The following CSMD3 variants were observed in gnomAD, a reference collection of about 807,000 sequenced individuals.
CSMD3 encodes CUB and sushi domain-containing protein 3.
CSMD3 carries 177 observed loss-of-function variants against 435.2 expected under a neutral mutation model. The ratio of observed to expected loss-of-function variants is 0.41; its 90% CI spans 0.36 to 0.46. The LOEUF is 0.46. CSMD3 is among the 20% of genes least tolerant of loss of function. The probability of loss-of-function intolerance (pLI) is 0.34; values close to 1 mark genes in which losing one functional copy is unlikely to be tolerated. For missense variants in CSMD3, 4,265 were observed against 4,504.6 expected, an observed-to-expected ratio of 0.95 and a Z score of 1.52; for synonymous variants, 1,656 against 1,520.5, an observed-to-expected ratio of 1.09 and a Z score of -2.07.
chr8:112,513,196 T>C (rs182827084), intron 28 of CSMD3, among the ~76,000 whole-genome samples: 1 of 152,324 alleles, frequency 6.6e-6, no homozygotes, highest in Admixed American at 6.5e-5. Context: ...TACTTTTGCA[T>C]TCAGAACATG....
chr8:113,268,176 A>G (rs1390356172), intron 3 of CSMD3, among the ~76,000 whole-genome samples: 1 of 151,930 alleles, frequency 6.6e-6, no homozygotes, highest in Admixed American at 6.6e-5. Context: ...ATCAGAAACT[A>G]GAATGCATTT....
At chr8:113,203,478 T>G (rs868224253) in intron 3 of CSMD3, among the ~76,000 whole-genome samples, 1 of 151,760 alleles carries the variant, frequency 6.6e-6, no homozygotes, top group Non-Finnish European at 1.5e-5. Flanking sequence ...CACTTTGTTG[T>G]CTAGGCTGGT....
chr8:112,775,099 T>C (rs1347804839), intron 13 of CSMD3, among the ~76,000 whole-genome samples: 1 of 151,850 alleles, frequency 6.6e-6, no homozygotes, highest in Non-Finnish European at 1.5e-5. Flanking sequence ...ACCTCTCATC[T>C]GAAGACTGCC....
intron 3 of CSMD3, among the ~76,000 whole-genome samples, chr8:113,195,226 CT>C (rs769586403): frequency 2.7e-3 from 347 of 128,814 alleles, no homozygotes; most frequent in Middle Eastern, 0.014. Context: ...CTATTCCAAG[CT>C]TTTTTTTTTT....
At chr8:112,450,614 C>T (rs1816151645) in intron 32 of CSMD3, among the ~76,000 whole-genome samples, 1 of 152,122 alleles carries the variant, frequency 6.6e-6, no homozygotes, top group Admixed American at 6.6e-5. Flanking sequence ...GAGGTGTGAC[C>T]TTGGTGAGTT....
At chr8:112,314,083 A>G (rs370272409) in intron 48 of CSMD3, 31 bp from the exon 49 acceptor site, 11 of 1,512,880 alleles carry the variant, frequency 7.3e-6, no homozygotes, top group Non-Finnish European at 1.0e-5. Flanking sequence ...AATTTAGATA[A>G]AGCTAATTAT....
At chr8:112,756,028 G>C (rs2077690261) in intron 13 of CSMD3, among the ~76,000 whole-genome samples, 1 of 151,844 alleles carries the variant, frequency 6.6e-6, no homozygotes, top group Non-Finnish European at 1.5e-5. Flanking sequence ...TATCCTGGTG[G>C]AATCTTTGCT....
chr8:113,339,825 T>C (rs1264352013), intron 1 of CSMD3, among the ~76,000 whole-genome samples: 5 of 151,998 alleles, frequency 3.3e-5, no homozygotes, highest in Non-Finnish European at 7.4e-5. Context: ...TATATGGTCG[T>C]TATATGCTTA....
At chr8:112,740,524 A>G (rs2132051833) in intron 13 of CSMD3, among the ~76,000 whole-genome samples, 1 of 152,000 alleles carries the variant, frequency 6.6e-6, no homozygotes, top group East Asian at 1.9e-4. Context: ...ACACCTAAAC[A>G]AAAACACTTA....
At chr8:112,305,021 CA>C in intron 51 of CSMD3, 106 bp from the exon 52 acceptor site, 1 of 812,700 alleles carries the variant, frequency 1.2e-6, no homozygotes, top group Non-Finnish European at 2.1e-6. Context: ...TTGCACTATA[CA>C]AGGTCCTTTA....
At chr8:113,001,805 A>C (rs1167428446) in intron 6 of CSMD3, among the ~76,000 whole-genome samples, 1 of 152,070 alleles carries the variant, frequency 6.6e-6, no homozygotes, top group Non-Finnish European at 1.5e-5. Context: ...AAGTCATTTT[A>C]CTTAAAGCCA....
At chr8:112,798,128 A>C (rs2078872353) in intron 13 of CSMD3, among the ~76,000 whole-genome samples, 1 of 151,898 alleles carries the variant, frequency 6.6e-6, no homozygotes, top group Non-Finnish European at 1.5e-5. Context: ...ATAGAAGAGT[A>C]AATATTTGAA....
At chr8:112,282,946 A>C (rs1024536677) in intron 58 of CSMD3, among the ~76,000 whole-genome samples, 6 of 152,058 alleles carry the variant, frequency 3.9e-5, no homozygotes, top group African/African-American at 1.4e-4. Flanking sequence ...CAACAGACAT[A>C]ATCTAATAAA....
intron 5 of CSMD3, among the ~76,000 whole-genome samples, chr8:113,066,001 C>A (rs1419143766): frequency 6.7e-6 from 1 of 149,012 alleles, no homozygotes. Flanking sequence ...ATGCTTTATA[C>A]AGTGATAAAT....
At chr8:113,004,546 G>A (rs767244162) in intron 6 of CSMD3, among the ~76,000 whole-genome samples, 29 of 151,940 alleles carry the variant, frequency 1.9e-4, no homozygotes, top group Admixed American at 4.6e-4. Context: ...AAGATTCCCT[G>A]ACCTTCTTTG....
chr8:113,354,630 G>A (rs2094209919), intron 1 of CSMD3, among the ~76,000 whole-genome samples: 1 of 152,192 alleles, frequency 6.6e-6, no homozygotes, highest in Admixed American at 6.5e-5. Context: ...TGTTATTGTT[G>A]TTGTTTTGTT....
chr8:113,076,391 A>C (rs2131429234), intron 5 of CSMD3, among the ~76,000 whole-genome samples: 1 of 152,130 alleles, frequency 6.6e-6, no homozygotes, highest in African/African-American at 2.4e-5. Context: ...AATGAACTTA[A>C]ATAATAAATT....
At position 112,306,191 on chromosome 8, in the gene CSMD3, T is replaced by C; in HGVS notation, c.7887A>G (p.Ala2629=). 1 of 1,612,534 alleles carries C rather than the reference T, an allele frequency of 6.2e-7. No homozygotes were observed. The highest frequency in any genetic ancestry group is 8.5e-7 in the Non-Finnish European group (1 of 1,179,130). The part of the protein sequence containing the change: ...AWDAPVPACQ[A]ISCGIPKAPT... ...GAGCTTTAGGAATCCCACAGGAAAT[T>C]GCTAGAAAAACATACACACAAGCAA... The change falls in exon 51 of 71, where the codon GCA becomes GCG. Residue 2629 remains alanine (A), a splice_region_variant and synonymous_variant. Coordinates refer to ENST00000297405, the MANE Select transcript of CSMD3 (RefSeq NM_198123.2).
At chr8:112,268,871 T>C (rs1817206296) in intron 59 of CSMD3, among the ~76,000 whole-genome samples, 1 of 152,226 alleles carries the variant, frequency 6.6e-6, no homozygotes, top group South Asian at 2.1e-4. Context: ...AGTTGGTTTC[T>C]TCTTTAGATC....
Sources: allele counts gnomAD v4.1 joint callset (sites outside exome capture counted in the v4.1 genomes callset), GRCh38; gene constraint gnomAD v4.1.1; transcripts MANE v1.5; gene names NCBI Gene and HGNC (gene_info 2026-07-23, HGNC 2026-07-21).